FAM221A: variants seen among roughly 807,000 people sequenced by gnomAD.
FAM221A encodes protein FAM221A.
FAM221A carries 43 observed loss-of-function variants against 37.6 expected under a neutral mutation model. That is an observed-to-expected ratio of 1.15 (90% CI 0.90 to 1.48). The LOEUF (loss-of-function observed/expected upper bound fraction) is 1.48. Among genes scored for constraint, FAM221A ranks in the 40% most tolerant of loss-of-function variants. The pLI, the probability that FAM221A is intolerant of heterozygous loss-of-function variation, is 0.00. For missense variants in FAM221A, 361 were observed against 361.5 expected, an observed-to-expected ratio of 1.00 and a Z score of 0.01; for synonymous variants, 135 against 132.9, an observed-to-expected ratio of 1.02 and a Z score of -0.11.
chr7:23,693,625 C>G (rs1168054929), intron 4 of FAM221A: 5 of 151,700 alleles, frequency 3.3e-5, no homozygotes, highest in African/African-American at 1.2e-4. Context: ...ATTTTGGAGA[C>G]AGTCCTTTCC....
intron 3 of FAM221A, among the ~76,000 whole-genome samples, chr7:23,690,199 A>ATATATATTTTTTTTTTT (rs774313037): frequency 4.1e-5 from 2 of 48,736 alleles, no homozygotes; most frequent in African/African-American, 8.5e-5. Context: ...ATATATATAT[A>ATATATATTTTTTTTTTT]TTTTTTTTTT....
chr7:23,697,674 A>T (rs569279073), intron 4 of FAM221A, among the ~76,000 whole-genome samples: 5 of 152,346 alleles, frequency 3.3e-5, no homozygotes, highest in African/African-American at 1.2e-4. Context: ...GGTACATAAT[A>T]TTCTTTTTTT....
intron 4 of FAM221A, chr7:23,692,809 A>G (rs916251823): frequency 7.5e-5 from 64 of 855,544 alleles, no homozygotes; most frequent in Non-Finnish European, 8.4e-5. Flanking sequence ...CAATTTTACT[A>G]TTTACTTTTT....
intron 5 of FAM221A, among the ~76,000 whole-genome samples, chr7:23,699,901 A>G (rs1005924922): frequency 6.6e-6 from 1 of 152,132 alleles, no homozygotes; most frequent in Non-Finnish European, 1.5e-5. Context: ...GTAATATGCC[A>G]TTATAATGCA....
intron 1 of FAM221A, among the ~76,000 whole-genome samples, chr7:23,683,786 C>T (rs183857030): frequency 2.0e-5 from 3 of 152,078 alleles, no homozygotes; most frequent in African/African-American, 2.4e-5. Context: ...TGCCTATTCT[C>T]GTGGCCCAGT....
rs1225442043 is a variant in FAM221A at position 23,686,573 on chromosome 7, C to A, written c.239+1901C>A. 4 of 205,544 alleles carry A rather than the reference C, an allele frequency of 1.9e-5. No homozygotes were observed. In the Admixed American group the frequency reaches 2.2e-4, roughly 11 times the overall value. 12.7% of individuals were successfully genotyped at this position (205,544 alleles called of 1,614,324 possible). A position where few individuals can be genotyped will look rare whatever the true frequency, so the allele number is the denominator to read the frequency against. On this transcript the variant is annotated intron_variant, in intron 2 of 6. Transcript: ENST00000344962. ...GCGCCACCATGCTCAGCTGACCCAA[C>A]TCAACTTTGATGGAGAAGTTATTAT...
intron 4 of FAM221A, among the ~76,000 whole-genome samples, chr7:23,697,522 A>G (rs1312170683): frequency 6.6e-6 from 1 of 152,152 alleles, no homozygotes; most frequent in Admixed American, 6.5e-5. Flanking sequence ...CTTTGTTTTT[A>G]GATGGTTTCC....
At chr7:23,689,004 A>G (rs747123550) in intron 2 of FAM221A, 25 of 267,690 alleles carry the variant, frequency 9.3e-5, no homozygotes, top group Admixed American at 4.2e-4. Flanking sequence ...GTTTTAAGGA[A>G]ATTATATAAT....
chr7:23,702,081 A>G lies in FAM221A; in HGVS notation c.829-15A>G. 6.4e-7 allele frequency: 1 copy of G among 1,557,692 alleles called. No homozygotes were observed. The highest frequency in any genetic ancestry group is 8.7e-7 in the Non-Finnish European group (1 of 1,143,454). On this transcript the variant is annotated splice_polypyrimidine_tract_variant and intron_variant, in intron 6 of 6. Coordinates refer to ENST00000344962, the MANE Select transcript of FAM221A (RefSeq NM_199136.5). ...TTTACAAGTTATTATATCAATAAATATGTTAAATTTACAGATGAAAATGGA... is the reference window on the plus strand; with the variant it reads ...TTTACAAGTTATTATATCAATAAATGTGTTAAATTTACAGATGAAAATGGA...
intron 2 of FAM221A, chr7:23,687,094 A>G (rs1784420464): frequency 6.6e-6 from 1 of 152,174 alleles, no homozygotes; most frequent in Admixed American, 6.5e-5. Context: ...AACTGTTGTG[A>G]AGTATGTGTG....
Position 23,691,449 on chromosome 7 carries a change from G to GC in FAM221A, c.493dup (p.His165ProfsTer2), listed in dbSNP as rs1328338036. On this transcript the variant is annotated frameshift_variant, in exon 4 of 7. Coordinates refer to ENST00000344962, the MANE Select transcript of FAM221A (RefSeq NM_199136.5). LOFTEE classifies it high-confidence loss of function. ...TTGTGCTTGTGGTCAGCCTGCATAT[G>GC]CCCATGACACAGTAGTGGAAACTAA... is the stretch of plus-strand genomic sequence containing the variant. 1.2e-6 allele frequency: 2 copies of GC among 1,614,078 alleles called. No homozygotes were observed. Among genetic ancestry groups the GC allele is most frequent in the African/African-American group, 1.3e-5 (1 of 74,916 alleles).
chr7:23,700,681 A>G, intron 5 of FAM221A, 105 bp from the exon 6 acceptor site: 1 of 723,820 alleles, frequency 1.4e-6, no homozygotes, highest in South Asian at 2.2e-5. Context: ...TTTTGGTTTG[A>G]AAAATAAAAC....
At chr7:23,690,199 A>ATATTT (rs774313037) in intron 3 of FAM221A, among the ~76,000 whole-genome samples, 72 of 48,728 alleles carry the variant, frequency 1.5e-3, no homozygotes, top group African/African-American at 2.6e-3. Context: ...ATATATATAT[A>ATATTT]TTTTTTTTTT....
intron 4 of FAM221A, among the ~76,000 whole-genome samples, chr7:23,695,112 G>C (rs1017658018): frequency 6.6e-6 from 1 of 152,098 alleles, no homozygotes; most frequent in African/African-American, 2.4e-5. Context: ...GTGCCTGTGG[G>C]CGCATGCCAG....
Position 23,698,284 on chromosome 7 carries a change from G to T in FAM221A, c.730G>T (p.Glu244Ter). 1.3e-6 allele frequency: 2 copies of T among 1,562,694 alleles called. No homozygotes were observed. The highest frequency in any genetic ancestry group is 1.7e-6 in the Non-Finnish European group (2 of 1,144,250). Residue 244 changes from glutamate (E) to a stop codon, truncating the protein, a stop_gained, in exon 5 of 7, where the codon GAA becomes TAA. Coordinates refer to ENST00000344962, the MANE Select transcript of FAM221A (RefSeq NM_199136.5). LOFTEE classifies it high-confidence loss of function. ...AFQASSSSSPETLTDVGTSSQ... is the reference protein window; with the variant it reads ...AFQASSSSSP ...TCAAGCATCATCTAGTTCTTCTCCA[G>T]AAACGTTAACAGATGGTAATGAAAT...
intron 6 of FAM221A, among the ~76,000 whole-genome samples, chr7:23,701,462 A>T (rs1785452495): frequency 6.6e-6 from 1 of 151,986 alleles, no homozygotes; most frequent in African/African-American, 2.4e-5. Context: ...GATGGTCTGG[A>T]TCTCCTGACC....
At chr7:23,693,702 A>G (rs1164226401) in intron 4 of FAM221A, 1 of 151,406 alleles carries the variant, frequency 6.6e-6, no homozygotes, top group Non-Finnish European at 1.5e-5. Context: ...TAGCTTTTTC[A>G]TATATCTGTA....
At chr7:23,699,301 T>TGCAGCA (rs200469908) in intron 5 of FAM221A, among the ~76,000 whole-genome samples, 4 of 150,812 alleles carry the variant, frequency 2.7e-5, no homozygotes, top group Non-Finnish European at 5.9e-5. Flanking sequence ...ACTTTTTTTT[T>TGCAGCA]GCAGCAGCAG....
intron 4 of FAM221A, among the ~76,000 whole-genome samples, chr7:23,696,180 CTGTAGA>C (rs1785049123): frequency 6.6e-6 from 1 of 152,180 alleles, no homozygotes; most frequent in Non-Finnish European, 1.5e-5. Flanking sequence ...GTACTGAATG[CTGTAGA>C]CAATTGTAAC....
Sources: gnomAD v4.1 joint callset for allele counts (sites outside exome capture counted in the v4.1 genomes callset) on GRCh38, gnomAD v4.1.1 for gene constraint, MANE v1.5 for transcripts, NCBI Gene and HGNC (gene_info 2026-07-23, HGNC 2026-07-21) for gene names.